The following HS3ST4 variants were observed in gnomAD, a reference collection of about 807,000 sequenced individuals.
HS3ST4 encodes the protein heparan sulfate-glucosamine 3-sulfotransferase 4.
A neutral mutation model predicts 29.2 loss-of-function variants in HS3ST4; 17 were observed. The observed-to-expected ratio is 0.58, with a 90% CI of 0.40 to 0.87. The LOEUF (loss-of-function observed/expected upper bound fraction) is 0.87, where lower values mean the gene tolerates loss of function less well. Among genes scored for constraint, HS3ST4 ranks in the 40% least tolerant of loss-of-function variants. The pLI is 0.00. For synonymous variants in HS3ST4, 314 were observed against 285.7 expected (o/e 1.10, Z -1.00); for missense variants, 627 against 634.5 (o/e 0.99, Z 0.13).
At chr16:25,782,742 A>G (rs1201698033) in intron 1 of HS3ST4, among the ~76,000 whole-genome samples, 1 of 152,208 alleles carries the variant, frequency 6.6e-6, no homozygotes, top group Non-Finnish European at 1.5e-5. Context: ...AGCTTATTTT[A>G]TTAATTTCCT....
chr16:26,110,692 G>A (rs1899116657), intron 1 of HS3ST4, among the ~76,000 whole-genome samples: 1 of 152,094 alleles, frequency 6.6e-6, no homozygotes, highest in African/African-American at 2.4e-5. Flanking sequence ...AGTTACAGTG[G>A]GCCTTGGAAA....
At chr16:25,767,809 A>G (rs554807446) in intron 1 of HS3ST4, among the ~76,000 whole-genome samples, 36 of 152,336 alleles carry the variant, frequency 2.4e-4, no homozygotes, top group Admixed American at 1.0e-3. Flanking sequence ...TCCCATACTC[A>G]GGGTTGCACA....
At chr16:26,080,652 C>T (rs1170279533) in intron 1 of HS3ST4, among the ~76,000 whole-genome samples, 2 of 152,162 alleles carry the variant, frequency 1.3e-5, no homozygotes, top group African/African-American at 4.8e-5. Flanking sequence ...AGGGCTACTC[C>T]AGCCAAGGGA....
At chr16:25,900,119 G>C (rs1019330971) in intron 1 of HS3ST4, among the ~76,000 whole-genome samples, 2 of 152,168 alleles carry the variant, frequency 1.3e-5, no homozygotes, top group African/African-American at 4.8e-5. Context: ...ACTGGATTTT[G>C]TGTAATTTTA....
intron 1 of HS3ST4, among the ~76,000 whole-genome samples, chr16:26,085,877 A>AAATAATAATAATAATAAT (rs57927146): frequency 6.8e-6 from 1 of 146,912 alleles, no homozygotes; most frequent in African/African-American, 2.5e-5. Flanking sequence ...CTGTCTCTTA[A>AAATAATAATAATAATAAT]AATAATAATA....
intron 1 of HS3ST4, among the ~76,000 whole-genome samples, chr16:26,115,245 G>A (rs1039483485): frequency 1.1e-4 from 17 of 149,144 alleles, no homozygotes; most frequent in Admixed American, 2.7e-4. Context: ...GTATGTGTGT[G>A]TATATATATA....
chr16:25,891,274 T>C (rs1392104559), intron 1 of HS3ST4, among the ~76,000 whole-genome samples: 1 of 152,188 alleles, frequency 6.6e-6, no homozygotes, highest in African/African-American at 2.4e-5. Context: ...CCAGTTACTC[T>C]TGCTGTGTAA....
intron 1 of HS3ST4, among the ~76,000 whole-genome samples, chr16:26,134,663 G>A (rs1182868733): frequency 1.3e-5 from 2 of 152,064 alleles, no homozygotes; most frequent in East Asian, 1.9e-4. Flanking sequence ...TTACAAATGA[G>A]GATAATAAGG....
intron 1 of HS3ST4, among the ~76,000 whole-genome samples, chr16:25,721,677 C>A (rs774182172): frequency 3.3e-5 from 5 of 152,166 alleles, no homozygotes; most frequent in Non-Finnish European, 7.3e-5. Context: ...TTCACAGTGA[C>A]ATCTGTTGGA....
intron 1 of HS3ST4, among the ~76,000 whole-genome samples, chr16:25,767,257 C>T (rs1966826355): frequency 1.3e-5 from 2 of 152,222 alleles, no homozygotes; most frequent in South Asian, 4.1e-4. Context: ...AAGAAAGTCT[C>T]CCCTCACTCT....
At chr16:25,891,142 C>T (rs922427856) in intron 1 of HS3ST4, among the ~76,000 whole-genome samples, 18 of 152,274 alleles carry the variant, frequency 1.2e-4, no homozygotes, top group Non-Finnish European at 2.5e-4. Flanking sequence ...GATGGGGTAA[C>T]GTTTCAGGCT....
At chr16:25,866,396 G>T (rs1567259295) in intron 1 of HS3ST4, among the ~76,000 whole-genome samples, 1 of 152,062 alleles carries the variant, frequency 6.6e-6, no homozygotes, top group South Asian at 2.1e-4. Flanking sequence ...GAAAGACTTG[G>T]AACCAACCCA....
intron 1 of HS3ST4, among the ~76,000 whole-genome samples, chr16:25,965,628 C>T (rs1242918549): frequency 3.9e-5 from 6 of 152,136 alleles, no homozygotes; most frequent in Non-Finnish European, 8.8e-5. Context: ...CCTTGCAAGT[C>T]CATTCCTTTT....
intron 1 of HS3ST4, among the ~76,000 whole-genome samples, chr16:25,899,401 G>A (rs541070448): frequency 2.0e-5 from 3 of 152,304 alleles, no homozygotes; most frequent in Admixed American, 1.3e-4. Flanking sequence ...AAAGCTTGGG[G>A]TATACTTTAC....
chr16:25,990,383 T>C (rs1220884997), intron 1 of HS3ST4, among the ~76,000 whole-genome samples: 1 of 152,216 alleles, frequency 6.6e-6, no homozygotes, highest in African/African-American at 2.4e-5. Context: ...CAGCAGTGAA[T>C]GAGAGTGGTT....
chr16:25,892,041 CTAT>C (rs1968014528), intron 1 of HS3ST4, among the ~76,000 whole-genome samples: 1 of 152,152 alleles, frequency 6.6e-6, no homozygotes, highest in Non-Finnish European at 1.5e-5. Context: ...CAAGGGTTTA[CTAT>C]TATTATCATC....
At chr16:26,008,296 G>A (rs571184629) in intron 1 of HS3ST4, among the ~76,000 whole-genome samples, 53 of 152,234 alleles carry the variant, frequency 3.5e-4, no homozygotes, top group African/African-American at 1.2e-3. Flanking sequence ...GATTTATTGG[G>A]GGGTGTAAAA....
intron 1 of HS3ST4, among the ~76,000 whole-genome samples, chr16:26,118,801 G>T (rs9937635): frequency 6.6e-6 from 1 of 152,048 alleles, no homozygotes; most frequent in Non-Finnish European, 1.5e-5. Flanking sequence ...AGAGAAGGCC[G>T]GTGTTGCTGG....
intron 1 of HS3ST4, among the ~76,000 whole-genome samples, chr16:26,062,299 C>G (rs1047438499): frequency 1.3e-5 from 2 of 152,184 alleles, no homozygotes; most frequent in African/African-American, 4.8e-5. Context: ...GTTTAATGTC[C>G]TCTGGGCCTT....
Sources: allele counts gnomAD v4.1 joint callset (sites outside exome capture counted in the v4.1 genomes callset), GRCh38; gene constraint gnomAD v4.1.1; transcripts MANE v1.5; gene names NCBI Gene and HGNC (gene_info 2026-07-23, HGNC 2026-07-21).